ARID3B: variants seen among roughly 807,000 people sequenced by gnomAD.
ARID3B encodes AT-rich interactive domain-containing protein 3B.
In ARID3B, 10 loss-of-function variants were observed where a neutral mutation model predicts 51.9. The ratio of observed to expected loss-of-function variants is 0.19; its 90% CI spans 0.12 to 0.33. ARID3B has a LOEUF of 0.33. ARID3B is among the 10% of genes least tolerant of loss of function. The pLI, the probability that ARID3B is intolerant of heterozygous loss-of-function variation, is 1.00. For missense variants in ARID3B, 483 were observed against 716.3 expected (o/e 0.67, Z 3.72); for synonymous variants, 205 against 279.5 (o/e 0.73, Z 2.66).
At chr15:74,567,831 G>A (rs749076006) in intron 2 of ARID3B, among the ~76,000 whole-genome samples, 7 of 152,184 alleles carry the variant, frequency 4.6e-5, no homozygotes, top group Non-Finnish European at 1.0e-4. Flanking sequence ...GATTTTCAAA[G>A]ATAGTCTGTT....
chr15:74,557,027 G>A (rs560974294), intron 2 of ARID3B, among the ~76,000 whole-genome samples: 1 of 151,728 alleles, frequency 6.6e-6, no homozygotes, highest in East Asian at 1.9e-4. Context: ...CACCCGCTTC[G>A]GCCTCCCAAA....
chr15:74,593,025 A>T lies in ARID3B; in HGVS notation c.1421-113A>T, dbSNP rs997232117. On this transcript the variant is annotated intron_variant, in intron 7 of 8. Coordinates refer to ENST00000346246, the MANE Select transcript of ARID3B (RefSeq NM_006465.4). ...CTACACTCAGGAGAAGGTTACATAG[A>T]TGCCTTTTAACAGCGTGAGGCTTTG... 4 of 803,948 alleles carry T rather than the reference A, an allele frequency of 5.0e-6. 1 individual carries two copies. In the South Asian group the frequency reaches 5.0e-5, roughly 10 times the overall value. 49.8% of individuals were successfully genotyped at this position (803,948 alleles called of 1,614,324 possible).
In ARID3B at chr15:74,591,429, G is replaced by A; in HGVS notation, c.1160G>A (p.Arg387Lys). 1.2e-6 allele frequency: 2 copies of A among 1,602,792 alleles called. No individual in the cohort carries two copies. The highest frequency in any genetic ancestry group is 1.7e-6 in the Non-Finnish European group (2 of 1,170,734). The change falls in exon 6 of 9, where the codon AGG (arginine) becomes AAG (lysine). Residue 387 changes from arginine to lysine, a missense_variant. Arg to Lys is a conservative substitution (Grantham distance 26, BLOSUM62 2). Around this residue, in one of 3 missense-constraint regions of ARID3B, gnomAD observed 265 missense variants for 354.4 expected, o/e 0.75. Coordinates refer to ENST00000346246, the MANE Select transcript of ARID3B (RefSeq NM_006465.4). The surrounding 1 kb of genome is among the most constrained non-coding windows in gnomAD (Gnocchi z 5.8). ...SPRISPATTL[R>K]KGDGAPVTTV... The stretch of plus-strand genomic sequence containing the variant: ...CGGATATCCCCAGCAACCACTCTCA[G>A]GAAAGGTCAGCAGGGCTCCTGGGGG...
At chr15:74,557,977 A>G (rs987561906) in intron 2 of ARID3B, among the ~76,000 whole-genome samples, 2 of 151,188 alleles carry the variant, frequency 1.3e-5, no homozygotes, top group African/African-American at 4.9e-5. Flanking sequence ...GCCCGCCACC[A>G]CGCCTAGCTA....
chr15:74,545,540 C>T lies in ARID3B; in HGVS notation c.552+1052C>T, dbSNP rs74320113. 3.0e-3 allele frequency among the ~76,000 whole-genome samples: 455 copies of T among 152,260 alleles called. 6 individuals are homozygous for T. The highest frequency in any genetic ancestry group is 0.024 in the East Asian group (126 of 5,178). ...TGTGACCCATAATATAGTTTTTCCT[C>T]GCCCAAAGGATGGGAGTGATGATAA... On this transcript the variant is annotated intron_variant, in intron 2 of 8. Transcript: ENST00000346246.
intron 4 of ARID3B, among the ~76,000 whole-genome samples, chr15:74,575,402 C>T (rs867567021): frequency 1.3e-5 from 2 of 152,186 alleles, no homozygotes; most frequent in Admixed American, 6.5e-5. Flanking sequence ...CTTTCATGTC[C>T]CCAGTGCTAG....
At chr15:74,585,405 C>T (rs2061777086) in intron 4 of ARID3B, among the ~76,000 whole-genome samples, 1 of 152,226 alleles carries the variant, frequency 6.6e-6, no homozygotes, top group Admixed American at 6.5e-5. Flanking sequence ...GTGAACTTCA[C>T]AAATCTGGCC....
At chr15:74,581,061 A>C (rs1177618628) in intron 4 of ARID3B, among the ~76,000 whole-genome samples, 1 of 152,172 alleles carries the variant, frequency 6.6e-6, no homozygotes, top group Non-Finnish European at 1.5e-5. Flanking sequence ...GAATGCCCAC[A>C]AGCAAGGCTC....
rs144393834 is a variant in ARID3B at position 74,582,131 on chromosome 15, T to C, written c.698-7689T>C. 3.0e-4 allele frequency among the ~76,000 whole-genome samples: 46 copies of C among 152,168 alleles called. No homozygotes were observed. The East Asian group carries it at 8.7e-3, about 29-fold the overall frequency. ...CTGCAGTCCACCTCCTTCTGACTCATTGGCCAGTTTCTCCGAATGCAGTTG... is the reference window on the plus strand; with the variant it reads ...CTGCAGTCCACCTCCTTCTGACTCACTGGCCAGTTTCTCCGAATGCAGTTG... On this transcript the variant is annotated intron_variant, in intron 4 of 8. Coordinates refer to ENST00000346246, the MANE Select transcript of ARID3B (RefSeq NM_006465.4).
intron 4 of ARID3B, among the ~76,000 whole-genome samples, chr15:74,586,598 G>A (rs1289531637): frequency 6.6e-6 from 1 of 152,222 alleles, no homozygotes; most frequent in Non-Finnish European, 1.5e-5. Context: ...AGCCGGGTGC[G>A]TGGCTCACGC....
At chr15:74,542,947 A>G (rs2061600050) in intron 1 of ARID3B, among the ~76,000 whole-genome samples, 1 of 152,154 alleles carries the variant, frequency 6.6e-6, no homozygotes, top group Non-Finnish European at 1.5e-5. Context: ...TTTTGGCCCG[A>G]AAGACTTTTC....
intron 7 of ARID3B, among the ~76,000 whole-genome samples, chr15:74,592,335 A>T (rs971422861): frequency 6.6e-6 from 1 of 152,206 alleles, no homozygotes; most frequent in Non-Finnish European, 1.5e-5. Context: ...GGTGCCCCAC[A>T]TTCTCTTCCT....
At chr15:74,549,164 C>T (rs994537753) in intron 2 of ARID3B, among the ~76,000 whole-genome samples, 1 of 151,900 alleles carries the variant, frequency 6.6e-6, no homozygotes, top group East Asian at 1.9e-4. Context: ...GGCTCCACCC[C>T]CCGGGGTTCA....
chr15:74,576,598 G>A (rs1028416038), intron 4 of ARID3B, among the ~76,000 whole-genome samples: 3 of 151,980 alleles, frequency 2.0e-5, no homozygotes, highest in East Asian at 1.9e-4. Flanking sequence ...CTTGGGGGCC[G>A]TCATGGAGGC....
intron 4 of ARID3B, chr15:74,573,823 C>T (rs976639771): frequency 6.6e-6 from 1 of 152,400 alleles, no homozygotes; most frequent in African/African-American, 2.4e-5. Context: ...CTCACTGCAA[C>T]CTCTGCCTCC....
chr15:74,575,347 T>TC (rs2061733964), intron 4 of ARID3B, among the ~76,000 whole-genome samples: 1 of 152,194 alleles, frequency 6.6e-6, no homozygotes, highest in South Asian at 2.1e-4. Context: ...CTACTATATG[T>TC]CCCCACTAGA....
At chr15:74,592,090 C>T (rs2061805762) in intron 7 of ARID3B, among the ~76,000 whole-genome samples, 1 of 152,194 alleles carries the variant, frequency 6.6e-6, no homozygotes, top group Admixed American at 6.5e-5. Context: ...AGCCAGAGGC[C>T]TTCAGAGAGC....
chr15:74,549,352 G>A (rs1404509478), intron 2 of ARID3B, among the ~76,000 whole-genome samples: 2 of 152,064 alleles, frequency 1.3e-5, no homozygotes, highest in Non-Finnish European at 2.9e-5. Flanking sequence ...TGGGATTACA[G>A]GCGTGAGCCA....
intron 2 of ARID3B, among the ~76,000 whole-genome samples, chr15:74,570,462 CAAAAAAA>C (rs71137395): frequency 1.1e-3 from 71 of 64,594 alleles, no homozygotes; most frequent in African/African-American, 1.6e-3. Flanking sequence ...CTATAATTAG[CAAAAAAA>C]AAAAAAAAAA....
Sources: allele counts gnomAD v4.1 joint callset (sites outside exome capture counted in the v4.1 genomes callset), GRCh38; gene constraint gnomAD v4.1.1; regional missense constraint gnomAD v4.1.1; non-coding constraint Gnocchi (gnomAD v3.1); transcripts MANE v1.5; gene names NCBI Gene and HGNC (gene_info 2026-07-23, HGNC 2026-07-21).